PTPRB: variants seen among roughly 807,000 people sequenced by gnomAD.
PTPRB encodes protein tyrosine phosphatase receptor type B.
A neutral mutation model predicts 238.1 loss-of-function variants in PTPRB; 97 were observed. That is an observed-to-expected ratio of 0.41 (90% CI 0.35 to 0.48). PTPRB has a LOEUF of 0.48. PTPRB is among the 20% of genes least tolerant of loss of function. The probability of loss-of-function intolerance (pLI) is 0.30; values close to 1 mark genes in which losing one functional copy is unlikely to be tolerated. For synonymous variants in PTPRB, 970 were observed against 995.4 expected (o/e 0.97, Z 0.48); for missense variants, 2,292 against 2,681.9 (o/e 0.85, Z 3.21).
intron 2 of PTPRB, among the ~76,000 whole-genome samples, chr12:70,627,362 G>A (rs753341244): frequency 4.6e-5 from 7 of 151,902 alleles, no homozygotes; most frequent in Non-Finnish European, 1.0e-4. Context: ...TCCATTAGAC[G>A]CAATAGGCAC....
At position 70,594,718 on chromosome 12, in the gene PTPRB, G is replaced by C. The variant is rs373636687; in HGVS notation, c.1265C>G (p.Ser422Cys). 4.3e-6 allele frequency: 7 copies of C among 1,613,816 alleles called. No homozygotes were observed. The African/African-American group carries it at 9.3e-5, about 22-fold the overall frequency. Residue 422 changes from serine (S) to cysteine (C), a missense_variant, in exon 6 of 34, where the codon TCT (serine) becomes TGT (cysteine). Ser to Cys is a moderately radical substitution (Grantham distance 112, BLOSUM62 -1). Coordinates refer to ENST00000334414, the MANE Select transcript of PTPRB (RefSeq NM_001109754.4). Reference sequence around the variant, plus strand: ...GGAAATACCAATATCTTTCACTGGAGATGGCACTAGTGGGATAAAATGCAT... The same window carrying C: ...GGAAATACCAATATCTTTCACTGGACATGGCACTAGTGGGATAAAATGCAT... ...SVYTNGSTVP[S>C]PVKDIGISTK...
rs1871245599 is a variant in PTPRB, at chr12:70,516,995, A to G, written c.*4494T>C. The G allele has an allele frequency of 6.6e-6, 1 of 152,204 alleles. No individual in the cohort carries two copies. Among genetic ancestry groups the G allele is most frequent in the Non-Finnish European group, 1.5e-5 (1 of 68,038 alleles). 9.4% of individuals were successfully genotyped at this position (152,204 alleles called of 1,614,324 possible). ...AAGTCAAGAGTATTCTCTTAGCCAG[A>G]AATACTTCTATTGCTAGAAACATTT... is the stretch of plus-strand genomic sequence containing the variant. On this transcript the variant is annotated 3_prime_UTR_variant, in exon 34 of 34. Coordinates refer to ENST00000334414, the MANE Select transcript of PTPRB (RefSeq NM_001109754.4).
intron 32 of PTPRB, 36 bp from the exon 33 acceptor site, chr12:70,524,627 G>T: frequency 6.4e-7 from 1 of 1,559,908 alleles, no homozygotes. Context: ...AGGAGGGCCT[G>T]TTCTCATGCA....
rs1171551143 is a variant in PTPRB, at chr12:70,637,354, G to T, written c.42C>A (p.Ile14=). The change falls in exon 1 of 34, where the codon ATC becomes ATA. Residue 14 remains isoleucine (I), a synonymous_variant. Transcript: ENST00000334414. ...EFYMVILTCL[I]FRNSEGFQIV... is the part of the protein sequence containing the mutation. ...AGACCCACTCACCTGAGTTCCTGAAGATCAAGCAGGTAAGAATCACCATGT... is the reference window on the plus strand; with the variant it reads ...AGACCCACTCACCTGAGTTCCTGAATATCAAGCAGGTAAGAATCACCATGT... 2 of 1,608,552 alleles carry T rather than the reference G, an allele frequency of 1.2e-6. No homozygotes were observed. Among genetic ancestry groups the T allele is most frequent in the East Asian group, 2.2e-5 (1 of 44,672 alleles).
At chr12:70,612,692 A>T (rs1884512538) in intron 3 of PTPRB, among the ~76,000 whole-genome samples, 1 of 152,126 alleles carries the variant, frequency 6.6e-6, no homozygotes, top group Non-Finnish European at 1.5e-5. Context: ...ATAGCAATTT[A>T]AAAACATTAA....
chr12:70,563,005 A>C lies in PTPRB; in HGVS notation c.4007T>G (p.Phe1336Cys), dbSNP rs887410316. Residue 1336 changes from phenylalanine to cysteine, a missense_variant, in exon 16 of 34, where the codon TTT becomes TGT. By Grantham distance (205) the Phe-to-Cys change is radical. Around this residue, in one of 4 missense-constraint regions of PTPRB, gnomAD observed 683 missense variants for 862.0 expected, o/e 0.79. Transcript: ENST00000334414. ...SEGELSWYNI[F>C]LYNPDGNLQE... ...GAGATTCCCATCTGGGTTGTACAAA[A>C]AGATGTTGTACCAGCTGAGCTCCCC... 1.2e-6 allele frequency: 2 copies of C among 1,613,972 alleles called. No individual in the cohort carries two copies. Among genetic ancestry groups the C allele is most frequent in the African/African-American group, 1.3e-5 (1 of 75,032 alleles).
chr12:70,629,536 C>T (rs2136602122), intron 2 of PTPRB, among the ~76,000 whole-genome samples: 1 of 152,194 alleles, frequency 6.6e-6, no homozygotes, highest in Admixed American at 6.5e-5. Context: ...ATTAAAAGAA[C>T]TAGAGAAACA....
At chr12:70,565,038 T>C (rs773957161) in intron 15 of PTPRB, among the ~76,000 whole-genome samples, 2 of 152,074 alleles carry the variant, frequency 1.3e-5, no homozygotes, top group Non-Finnish European at 2.9e-5. Flanking sequence ...ACTATAAACA[T>C]AATGACCATG....
chr12:70,553,600 T>C (rs1301343218), intron 20 of PTPRB, among the ~76,000 whole-genome samples: 1 of 152,230 alleles, frequency 6.6e-6, no homozygotes, highest in Non-Finnish European at 1.5e-5. Flanking sequence ...ACTCTTCCCC[T>C]GTCCACCCAG....
At chr12:70,611,726 A>G (rs1884461609) in intron 3 of PTPRB, among the ~76,000 whole-genome samples, 1 of 152,230 alleles carries the variant, frequency 6.6e-6, no homozygotes, top group African/African-American at 2.4e-5. Flanking sequence ...AATCCTTTCA[A>G]GTTAACAAAC....
intron 4 of PTPRB, among the ~76,000 whole-genome samples, chr12:70,601,360 C>T (rs887621260): frequency 6.6e-6 from 1 of 152,106 alleles, no homozygotes; most frequent in Non-Finnish European, 1.5e-5. Flanking sequence ...TACATCTGCC[C>T]CATCTGTCAT....
rs1432295133 is a variant in PTPRB, at chr12:70,534,388, C to A, written c.6368+100G>T. 3 of 1,381,440 alleles carry A rather than the reference C, an allele frequency of 2.2e-6. No homozygotes were observed. The African/African-American group carries it at 4.3e-5, about 20-fold the overall frequency. The allele number at this position is 1,381,440 out of a possible 1,614,324, so 85.6% of individuals were successfully genotyped here. Reference sequence around the variant, plus strand: ...GGCAGGCTGGTTGGTCCAGACAAATCCTCCACCCACCAAATTCCCCATGCT... The same window carrying A: ...GGCAGGCTGGTTGGTCCAGACAAATACTCCACCCACCAAATTCCCCATGCT... On this transcript the variant is annotated intron_variant, in intron 31 of 33. Coordinates refer to ENST00000334414, the MANE Select transcript of PTPRB (RefSeq NM_001109754.4).
chr12:70,538,977 A>G lies in PTPRB; in HGVS notation c.5816T>C (p.Ile1939Thr). 1.2e-6 allele frequency: 2 copies of G among 1,613,896 alleles called. No homozygotes were observed. Among genetic ancestry groups the G allele is most frequent in the Non-Finnish European group, 1.7e-6 (2 of 1,179,842 alleles). Residue 1939 changes from isoleucine (I) to threonine (T), a missense_variant, in exon 27 of 34, where the codon ATT becomes ACT. By Grantham distance (89) the Ile-to-Thr change is moderately conservative (BLOSUM62 -1). Around this residue, in one of 4 missense-constraint regions of PTPRB, gnomAD observed 397 missense variants for 502.0 expected, o/e 0.79. Transcript: ENST00000334414. Reference sequence around the variant, plus strand: ...CCCTCTATTCTCCGGCAAGAGTGCAATGTCACATGACTGGTTTCGGCCCAC... The same window carrying G: ...CCCTCTATTCTCCGGCAAGAGTGCAGTGTCACATGACTGGTTTCGGCCCAC... ...KDVGRNQSCD[I>T]ALLPENRGKN...
chr12:70,572,219 C>T (rs1880150025), intron 11 of PTPRB, 132 bp from the exon 12 acceptor site: 1 of 949,416 alleles, frequency 1.1e-6, no homozygotes, highest in Non-Finnish European at 1.6e-6. Context: ...AATCTTAGAC[C>T]TTAGGTTACA....
intron 20 of PTPRB, among the ~76,000 whole-genome samples, chr12:70,554,035 CTAAT>C (rs1391443600): frequency 2.6e-5 from 4 of 152,266 alleles, no homozygotes; most frequent in African/African-American, 7.2e-5. Flanking sequence ...TCATTGCAGT[CTAAT>C]TAAGTCTAAA....
At chr12:70,597,096 A>G (rs1183017983) in intron 4 of PTPRB, among the ~76,000 whole-genome samples, 3 of 151,358 alleles carry the variant, frequency 2.0e-5, no homozygotes, top group African/African-American at 7.3e-5. Flanking sequence ...TTTTTTTTGT[A>G]TTTTTAGTAG....
chr12:70,612,592 C>G (rs908499851), intron 3 of PTPRB, among the ~76,000 whole-genome samples: 1 of 151,952 alleles, frequency 6.6e-6, no homozygotes, highest in African/African-American at 2.4e-5. Context: ...TCCTTGCCAC[C>G]AGGAAACCTT....
intron 4 of PTPRB, among the ~76,000 whole-genome samples, chr12:70,599,680 C>A (rs1222195019): frequency 2.0e-5 from 3 of 152,192 alleles, no homozygotes; most frequent in African/African-American, 2.4e-5. Context: ...AATCTACCAG[C>A]ACCAGAAAGC....
chr12:70,546,850 C>T (rs1169426843), intron 21 of PTPRB, among the ~76,000 whole-genome samples: 2 of 152,086 alleles, frequency 1.3e-5, no homozygotes, highest in African/African-American at 4.8e-5. Context: ...TGGAGGAGGG[C>T]ATCGCTGCTC....
Sources: allele counts gnomAD v4.1 joint callset (sites outside exome capture counted in the v4.1 genomes callset), GRCh38; gene constraint gnomAD v4.1.1; regional missense constraint gnomAD v4.1.1; transcripts MANE v1.5; gene names NCBI Gene and HGNC (gene_info 2026-07-23, HGNC 2026-07-21).